The following PRKDC variants were observed in gnomAD, a reference collection of about 807,000 sequenced individuals.
The protein encoded by PRKDC is DNA-dependent protein kinase catalytic subunit.
PRKDC carries 82 observed loss-of-function variants against 486.9 expected under a neutral mutation model. That is an observed-to-expected ratio of 0.17 (90% confidence interval 0.14 to 0.20). PRKDC has a LOEUF of 0.20. Ranked by LOEUF, PRKDC falls within the 10% of genes least tolerant of loss-of-function variation. The probability of loss-of-function intolerance (pLI) is 1.00; values close to 1 mark genes in which losing one functional copy is unlikely to be tolerated. For missense variants in PRKDC, 4,504 were observed against 5,038.2 expected (o/e 0.89, Z 3.21); for synonymous variants, 1,895 against 1,837.0 (o/e 1.03, Z -0.81).
intron 49 of PRKDC, among the ~76,000 whole-genome samples, chr8:47,856,946 G>C (rs1053230673): frequency 3.3e-5 from 5 of 152,202 alleles, no homozygotes; most frequent in Non-Finnish European, 7.3e-5. Flanking sequence ...CATAATAAAA[G>C]CAAGGTCAGA....
chr8:47,873,774 C>T (rs6980987), intron 40 of PRKDC, among the ~76,000 whole-genome samples: 1,813 of 152,174 alleles, frequency 0.012, 48 homozygotes, highest in African/African-American at 0.041. Flanking sequence ...AATCTTTGCG[C>T]GTTCTCACTT....
chr8:47,824,054 T>C, intron 63 of PRKDC, 58 bp from the exon 64 acceptor site: 1 of 1,385,102 alleles, frequency 7.2e-7, no homozygotes, highest in Non-Finnish European at 9.5e-7. Flanking sequence ...TAAAAGTATT[T>C]ATTCTAATGA....
chr8:47,930,895 G>T, intron 16 of PRKDC, 108 bp from the exon 17 acceptor site: 1 of 1,078,216 alleles, frequency 9.3e-7, no homozygotes, highest in Non-Finnish European at 1.3e-6. Context: ...TACGAAGAAA[G>T]ATTGCAACAG....
intron 85 of PRKDC, among the ~76,000 whole-genome samples, chr8:47,776,354 T>G (rs1402018674): frequency 6.6e-6 from 1 of 152,208 alleles, no homozygotes; most frequent in Non-Finnish European, 1.5e-5. Context: ...CTATGAATCA[T>G]CTCCATAAAT....
chr8:47,821,817 T>C (rs752243533), intron 64 of PRKDC, 25 bp from the exon 65 acceptor site: 25 of 1,507,190 alleles, frequency 1.7e-5, no homozygotes, highest in Middle Eastern at 1.7e-4. Context: ...TTAATAAAAT[T>C]ATTTTACAAA....
rs1340228398 is a variant in PRKDC, at chr8:47,862,570, T to C, written c.5751-29A>G. On this transcript the variant is annotated intron_variant, in intron 42 of 85. Coordinates refer to ENST00000314191, the MANE Select transcript of PRKDC (RefSeq NM_006904.7). Reference sequence around the variant, plus strand: ...CAGAGAGATCCATGTGACAAATCAATTCACACAACATGGCAATCACTGCTC... The same window carrying C: ...CAGAGAGATCCATGTGACAAATCAACTCACACAACATGGCAATCACTGCTC... The C allele has an allele frequency of 1.4e-5, 22 of 1,565,400 alleles. 1 individual carries two copies. The Admixed American group carries it at 3.7e-4, about 27-fold the overall frequency.
chr8:47,863,945 G>A (rs2088739537), intron 41 of PRKDC, among the ~76,000 whole-genome samples: 1 of 152,160 alleles, frequency 6.6e-6, no homozygotes, highest in Non-Finnish European at 1.5e-5. Flanking sequence ...TTCCCAACAG[G>A]ATTCCGAGGG....
At chr8:47,830,492 A>G in intron 61 of PRKDC, 113 bp downstream of exon 61, 1 of 1,419,424 alleles carries the variant, frequency 7.0e-7, no homozygotes, top group East Asian at 2.3e-5. Flanking sequence ...GGACAAACCA[A>G]CACCTCATCT....
At chr8:47,866,782 C>G (rs1184306668) in intron 40 of PRKDC, among the ~76,000 whole-genome samples, 2 of 152,140 alleles carry the variant, frequency 1.3e-5, no homozygotes, top group Non-Finnish European at 2.9e-5. Context: ...ACAGACATAC[C>G]TGGCAAAATT....
intron 27 of PRKDC, among the ~76,000 whole-genome samples, chr8:47,901,936 G>C (rs1589779035): frequency 1.3e-5 from 2 of 152,186 alleles, no homozygotes; most frequent in African/African-American, 4.8e-5. Flanking sequence ...TGGTGTTCCA[G>C]TCTTCAGTCT....
At chr8:47,868,929 A>C (rs1161537005) in intron 40 of PRKDC, among the ~76,000 whole-genome samples, 1 of 152,146 alleles carries the variant, frequency 6.6e-6, no homozygotes, top group African/African-American at 2.4e-5. Context: ...TCACAGCAGA[A>C]ACCAACCCAG....
chr8:47,907,025 C>A (rs2154502559), intron 25 of PRKDC, among the ~76,000 whole-genome samples: 1 of 151,344 alleles, frequency 6.6e-6, no homozygotes, highest in East Asian at 1.9e-4. Flanking sequence ...ACTTTTTTTT[C>A]CACAAAAGAA....
intron 39 of PRKDC, 28 bp from the exon 40 acceptor site, chr8:47,877,879 A>C: frequency 1.4e-6 from 2 of 1,409,730 alleles, no homozygotes. Flanking sequence ...ACATCATTAA[A>C]ATTTTGTTGG....
chr8:47,904,830 T>A, intron 26 of PRKDC, 39 bp downstream of exon 26: 1 of 1,354,840 alleles, frequency 7.4e-7, no homozygotes, highest in African/African-American at 1.5e-5. Flanking sequence ...ATACAACTAA[T>A]CGATGGGAGT....
chr8:47,812,568 C>G (rs762022174), intron 68 of PRKDC, among the ~76,000 whole-genome samples: 1 of 152,050 alleles, frequency 6.6e-6, no homozygotes, highest in African/African-American at 2.4e-5. Flanking sequence ...GAATGACATA[C>G]CAAAATGTGC....
At chr8:47,896,218 T>G (rs1312004673) in intron 30 of PRKDC, among the ~76,000 whole-genome samples, 3 of 151,836 alleles carry the variant, frequency 2.0e-5, no homozygotes, top group African/African-American at 7.3e-5. Context: ...TACTCTATAG[T>G]ATATAATATG....
At chr8:47,821,906 C>CTTT in intron 64 of PRKDC, 114 bp from the exon 65 acceptor site, 1 of 993,132 alleles carries the variant, frequency 1.0e-6, no homozygotes, top group Admixed American at 3.4e-5. Context: ...TTCAGATTTA[C>CTTT]GGAAAGGAGA....
chr8:47,786,723 C>CTTTTT lies in PRKDC; in HGVS notation c.10903-1411_10903-1407dup, dbSNP rs5891257. Among the ~76,000 whole-genome samples the CTTTTT allele has an allele frequency of 7.7e-4, 68 of 88,246 alleles. 2 individuals carry two copies. The highest frequency in any genetic ancestry group is 9.8e-4 in the South Asian group (2 of 2,038). The allele number at this position is 88,246 out of a possible 152,430, so 57.9% of individuals were successfully genotyped here. A position where few individuals can be genotyped will look rare whatever the true frequency, so the allele number is the denominator to read the frequency against. On this transcript the variant is annotated intron_variant, in intron 76 of 85. Coordinates refer to ENST00000314191, the MANE Select transcript of PRKDC (RefSeq NM_006904.7). The stretch of plus-strand genomic sequence containing the variant: ...TAAACCAGAAAAAATATTATTTAAT[C>CTTTTT]TTTTTTTTTTTTTTTTTTTTTTTTG...
At chr8:47,884,966 T>C (rs1055865646) in intron 36 of PRKDC, among the ~76,000 whole-genome samples, 2 of 152,252 alleles carry the variant, frequency 1.3e-5, no homozygotes, top group African/African-American at 4.8e-5. Context: ...GAGACCTGCC[T>C]GCAGCTGGTA....
Sources: gnomAD v4.1 joint callset for allele counts (sites outside exome capture counted in the v4.1 genomes callset) on GRCh38, gnomAD v4.1.1 for gene constraint, MANE v1.5 for transcripts, NCBI Gene and HGNC (gene_info 2026-07-23, HGNC 2026-07-21) for gene names.